NUMA1: variants seen among roughly 807,000 people sequenced by gnomAD.
NUMA1 encodes the protein SP-H antigen.
Under a neutral mutation model 237.1 loss-of-function variants are expected in NUMA1, and 62 were observed. The observed-to-expected ratio is 0.26, with a 90% CI of 0.21 to 0.32. NUMA1 has a LOEUF of 0.32. Among genes scored for constraint, NUMA1 ranks in the 10% least tolerant of loss-of-function variants. The pLI, the probability that NUMA1 is intolerant of heterozygous loss-of-function variation, is 1.00. For missense variants in NUMA1, 2,533 were observed against 2,666.5 expected (o/e 0.95, Z 1.10); for synonymous variants, 1,028 against 1,066.1 (o/e 0.96, Z 0.70).
intron 5 of NUMA1, chr11:72,024,059 G>C: frequency 2.0e-6 from 1 of 512,108 alleles, no homozygotes; most frequent in East Asian, 3.3e-5. Context: ...CTCCGAGAAG[G>C]GCTCTGGGAC....
intron 2 of NUMA1, 28 bp downstream of exon 2, chr11:72,069,814 C>T (rs1000844682): frequency 6.6e-6 from 1 of 152,164 alleles, no homozygotes; most frequent in Non-Finnish European, 1.5e-5. Context: ...CTATGAAAAA[C>T]TAGAGGGCAG....
chr11:72,061,792 A>G (rs1942959218), intron 2 of NUMA1, among the ~76,000 whole-genome samples: 2 of 151,922 alleles, frequency 1.3e-5, no homozygotes, highest in Non-Finnish European at 2.9e-5. Flanking sequence ...CTGGCCCCTT[A>G]TTTAATTTCA....
In NUMA1 at chr11:72,032,696, G is replaced by A. The variant is rs1334934638; in HGVS notation, c.42+3206C>T. Among the ~76,000 whole-genome samples the A allele has an allele frequency of 6.6e-5, 10 of 152,336 alleles. No individual in the cohort carries two copies. The East Asian group carries it at 1.9e-3, about 29-fold the overall frequency. ...TCTCTAGTCAGGGCATAAAACATGA[G>A]AGTGAGGACCAGGCTCACCACATAA... is the stretch of plus-strand genomic sequence containing the variant. On this transcript the variant is annotated intron_variant, in intron 3 of 26. Transcript: ENST00000393695.
chr11:72,027,357 T>C (rs1319513846), intron 4 of NUMA1, among the ~76,000 whole-genome samples: 1 of 151,816 alleles, frequency 6.6e-6, no homozygotes, highest in African/African-American at 2.4e-5. Flanking sequence ...ATAATGATTT[T>C]CAACAGAAGT....
chr11:72,008,637 A>G, intron 20 of NUMA1, 51 bp downstream of exon 20: 1 of 1,572,662 alleles, frequency 6.4e-7, no homozygotes, highest in South Asian at 1.1e-5. Context: ...ACAGCCTGAT[A>G]AACAGCAGGC....
intron 2 of NUMA1, chr11:72,066,782 T>G (rs563497980): frequency 1.3e-5 from 2 of 152,244 alleles, no homozygotes; most frequent in Non-Finnish European, 2.9e-5. Flanking sequence ...TTCATTTTAC[T>G]AAACTCCTGG....
At chr11:72,065,423 T>C (rs1943154495) in intron 2 of NUMA1, 1 of 152,060 alleles carries the variant, frequency 6.6e-6, no homozygotes. Flanking sequence ...ATGAAGAGTA[T>C]ATATAAATTT....
Position 72,013,497 on chromosome 11 carries a change from A to C in NUMA1, c.4006T>G (p.Phe1336Val), listed in dbSNP as rs187942922. ...GAGAGGGCCTGCTCTTTCTGGAAGA[A>C]CTTCTCCTGCCACGCCTTCAATTCT... The part of the protein sequence containing the change: ...GQELKAWQEK[F>V]FQKEQALSTL... The change falls in exon 15 of 27, where the codon TTC becomes GTC. Residue 1336 changes from phenylalanine to valine, a missense_variant. Phe to Val is a conservative substitution (Grantham distance 50). Coordinates refer to ENST00000393695, the MANE Select transcript of NUMA1 (RefSeq NM_006185.4). This position sits in a 1 kb window ranked among gnomAD's most constrained non-coding sequence, Gnocchi z 6.8. The C allele has an allele frequency of 5.6e-6, 9 of 1,613,132 alleles. No individual in the cohort carries two copies. The East Asian group carries it at 1.8e-4, about 32-fold the overall frequency.
chr11:72,047,870 A>T (rs1053963679), intron 2 of NUMA1: 3 of 152,190 alleles, frequency 2.0e-5, no homozygotes, highest in South Asian at 2.1e-4. Flanking sequence ...TAATAAAATT[A>T]AAAAATATAT....
At chr11:72,049,552 A>AAAAT (rs57970160) in intron 2 of NUMA1, 1 of 9,622 alleles carries the variant, frequency 1.0e-4, no homozygotes, top group African/African-American at 2.2e-4. Context: ...AAAAAAAAAA[A>AAAAT]TAATAATAAT....
chr11:72,073,451 C>A (rs1194365568), intron 1 of NUMA1, among the ~76,000 whole-genome samples: 1 of 152,110 alleles, frequency 6.6e-6, no homozygotes, highest in African/African-American at 2.4e-5. Flanking sequence ...TGACTCTATG[C>A]CCCACCTTTG....
chr11:72,055,692 C>A (rs1942595907), intron 2 of NUMA1, among the ~76,000 whole-genome samples: 1 of 151,862 alleles, frequency 6.6e-6, no homozygotes, highest in Admixed American at 6.6e-5. Flanking sequence ...TATTAAATAC[C>A]AGGCAAGCCA....
intron 3 of NUMA1, among the ~76,000 whole-genome samples, chr11:72,032,368 A>C (rs1005418213): frequency 6.6e-6 from 1 of 152,196 alleles, no homozygotes; most frequent in Admixed American, 6.5e-5. Context: ...TCAGGCCAAG[A>C]TTCCATTTTA....
chr11:72,050,558 G>C (rs1249108006), intron 2 of NUMA1: 1 of 152,214 alleles, frequency 6.6e-6, no homozygotes, highest in African/African-American at 2.4e-5. Context: ...TTTAAGGAAG[G>C]CTGTGTCTCA....
intron 10 of NUMA1, 25 bp from the exon 11 acceptor site, chr11:72,018,538 G>T: frequency 6.3e-7 from 1 of 1,588,794 alleles, no homozygotes; most frequent in Non-Finnish European, 8.6e-7. Context: ...GGGAGGAGGA[G>T]AGGAGAATCA....
chr11:72,007,132 T>A lies in NUMA1; in HGVS notation c.5463+57A>T, dbSNP rs1955774839. On this transcript the variant is annotated intron_variant, in intron 21 of 26. Transcript: ENST00000393695. ...CCTGACTGAGTGCCCAGTGCAAAGA[T>A]GCCCTTGAGAGGAAGTGGGAATTGC... 69 of 1,589,664 alleles carry A rather than the reference T, an allele frequency of 4.3e-5. No individual in the cohort carries two copies. The South Asian group carries it at 7.2e-4, about 17-fold the overall frequency.
chr11:72,014,197 T>C lies in NUMA1; in HGVS notation c.3306A>G (p.Ala1102=). 1 of 1,614,026 alleles carries C rather than the reference T, an allele frequency of 6.2e-7. No homozygotes were observed. Among genetic ancestry groups the C allele is most frequent in the South Asian group, 1.1e-5 (1 of 91,088 alleles). The change falls in exon 15 of 27, where the codon GCA becomes GCG. Residue 1102 remains alanine, a synonymous_variant. Coordinates refer to ENST00000393695, the MANE Select transcript of NUMA1 (RefSeq NM_006185.4). The surrounding 1 kb of genome is among the most constrained non-coding windows in gnomAD (Gnocchi z 4.6). ...EQLAKKEKEH[A]SGSGAQSEAA... is the part of the protein sequence containing the mutation. ...CCTCAGATTGGGCTCCTGAGCCAGATGCGTGCTCCTTTTCTTTCTTAGCCA... is the reference window on the plus strand; with the variant it reads ...CCTCAGATTGGGCTCCTGAGCCAGACGCGTGCTCCTTTTCTTTCTTAGCCA...
chr11:72,078,438 A>G (rs1426820858), intron 1 of NUMA1, among the ~76,000 whole-genome samples: 1 of 152,258 alleles, frequency 6.6e-6, no homozygotes, highest in Admixed American at 6.5e-5. Context: ...AGTTTTATCA[A>G]TTAGACACAG....
chr11:72,006,322 C>T, intron 21 of NUMA1, 59 bp from the exon 22 acceptor site: 1 of 1,454,446 alleles, frequency 6.9e-7, no homozygotes, highest in Non-Finnish European at 9.5e-7. Context: ...CAGAAGCTTC[C>T]CATTCCCTTC....
Sources: allele counts gnomAD v4.1 joint callset (sites outside exome capture counted in the v4.1 genomes callset), GRCh38; gene constraint gnomAD v4.1.1; non-coding constraint Gnocchi (gnomAD v3.1); transcripts MANE v1.5; gene names NCBI Gene and HGNC (gene_info 2026-07-23, HGNC 2026-07-21).